CRISP3: variants seen among roughly 807,000 people sequenced by gnomAD.
CRISP3 encodes cysteine rich secretory protein 3, also known as cysteine-rich secretory protein 3.
A neutral mutation model predicts 36.1 loss-of-function variants in CRISP3; 33 were observed. That is an observed-to-expected ratio of 0.91 (90% CI 0.69 to 1.22). The LOEUF (loss-of-function observed/expected upper bound fraction) is 1.22. Ranked by LOEUF, CRISP3 falls within the 50% of genes most tolerant of loss-of-function variation. CRISP3 has a pLI of 0.00. For missense variants in CRISP3, 330 were observed against 301.2 expected (o/e 1.10, Z -0.71); for synonymous variants, 117 against 104.6 (o/e 1.12, Z -0.72).
chr6:49,733,248 G>A lies in CRISP3; in HGVS notation c.507C>T (p.Tyr169=). 2 of 1,611,726 alleles carry A rather than the reference G, an allele frequency of 1.2e-6. No individual in the cohort carries two copies. Among genetic ancestry groups the A allele is most frequent in the Non-Finnish European group, 1.7e-6 (2 of 1,178,710 alleles). Residue 169 remains tyrosine (Y), a synonymous_variant, in exon 6 of 8, where the codon TAC becomes TAT. Coordinates refer to ENST00000263045, the MANE Select transcript of CRISP3 (RefSeq NM_006061.4). ...ATTTTAGAACTTTTTGATTGGGACA[G>A]TAGGCATTTCCACATCCAACGAGGT... ...SSYLVGCGNA[Y]CPNQKVLKYY...
Position 49,728,610 on chromosome 6 carries a change from A to C in CRISP3, c.*120T>G, listed in dbSNP as rs1372328878. 2 of 759,252 alleles carry C rather than the reference A, an allele frequency of 2.6e-6. No homozygotes were observed. Among genetic ancestry groups the C allele is most frequent in the African/African-American group, 3.6e-5 (2 of 55,658 alleles). 47.0% of individuals were successfully genotyped at this position (759,252 alleles called of 1,614,324 possible). A position where few individuals can be genotyped will look rare whatever the true frequency, so the allele number is the denominator to read the frequency against. ...CCAGAAGAAAAACATTTGAAATCAA[A>C]TGTGTATCAAACATGCCTACAATTT... On this transcript the variant is annotated 3_prime_UTR_variant, in exon 8 of 8. Coordinates refer to ENST00000263045, the MANE Select transcript of CRISP3 (RefSeq NM_006061.4).
chr6:49,729,717 C>T (rs1412124473), intron 7 of CRISP3, among the ~76,000 whole-genome samples: 1 of 152,038 alleles, frequency 6.6e-6, no homozygotes, highest in Non-Finnish European at 1.5e-5. Flanking sequence ...CAGGTAACAA[C>T]CGACTGTTCT....
intron 1 of CRISP3, among the ~76,000 whole-genome samples, chr6:49,741,234 G>A (rs1769194652): frequency 6.6e-6 from 1 of 150,870 alleles, no homozygotes; most frequent in Non-Finnish European, 1.5e-5. Flanking sequence ...GCACTCTCCA[G>A]TGCTCTTATA....
chr6:49,730,996 G>A (rs1323007164), intron 7 of CRISP3, among the ~76,000 whole-genome samples, 167 bp downstream of exon 7: 1 of 152,154 alleles, frequency 6.6e-6, no homozygotes, highest in Non-Finnish European at 1.5e-5. Flanking sequence ...GAGCCGAGAT[G>A]GCACCACTGC....
chr6:49,742,999 CT>C (rs1198173747), intron 1 of CRISP3, among the ~76,000 whole-genome samples: 52 of 152,176 alleles, frequency 3.4e-4, no homozygotes, highest in Non-Finnish European at 6.8e-4. Flanking sequence ...TATTTTCTTA[CT>C]TAAAATTTAA....
Position 49,728,688 on chromosome 6 carries a change from T to A in CRISP3, c.*42A>T, listed in dbSNP as rs752505185. The A allele has an allele frequency of 4.0e-6, 6 of 1,511,694 alleles. No individual in the cohort carries two copies. The highest frequency in any genetic ancestry group is 1.7e-4 in the Middle Eastern group (1 of 5,724). 93.6% of individuals were successfully genotyped at this position (1,511,694 alleles called of 1,614,324 possible). A position where few individuals can be genotyped will look rare whatever the true frequency, so the allele number is the denominator to read the frequency against. ...AGATGCCAAATCTAAGTAGATAATC[T>A]GACTCCTCTCTACATAGCCCTACTC... On this transcript the variant is annotated 3_prime_UTR_variant, in exon 8 of 8. Coordinates refer to ENST00000263045, the MANE Select transcript of CRISP3 (RefSeq NM_006061.4).
chr6:49,735,629 C>A, intron 3 of CRISP3, 38 bp from the exon 4 acceptor site: 1 of 1,478,680 alleles, frequency 6.8e-7, no homozygotes, highest in Non-Finnish European at 9.4e-7. Flanking sequence ...CACTTAATGT[C>A]TCAAACCTCA....
chr6:49,733,105 C>T (rs1469529855), intron 6 of CRISP3, 90 bp downstream of exon 6: 6 of 706,034 alleles, frequency 8.5e-6, no homozygotes, highest in Non-Finnish European at 8.9e-6. Flanking sequence ...TCTCCTTCAC[C>T]TTTACTTAAA....
chr6:49,733,825 A>C lies in CRISP3; in HGVS notation c.340T>G (p.Tyr114Asp), dbSNP rs1200504101. 6.2e-7 allele frequency: 1 copy of C among 1,613,660 alleles called. No homozygotes were observed. The highest frequency in any genetic ancestry group is 8.5e-7 in the Non-Finnish European group (1 of 1,179,740). The change falls in exon 5 of 8, where the codon TAC (tyrosine) becomes GAC (aspartate). Residue 114 changes from tyrosine to aspartate, a missense_variant. Tyr to Asp is a radical substitution (Grantham distance 160). Coordinates refer to ENST00000263045, the MANE Select transcript of CRISP3 (RefSeq NM_006061.4). ...MTSLKCGENL[Y>D]MSSASSSWSQ... ...CATGAGCTGGAGGCACTTGACATGT[A>C]GAGATTCTCACCACATTTTAGACCT... is the stretch of plus-strand genomic sequence containing the variant.
At chr6:49,737,551 G>T in intron 1 of CRISP3, 153 bp from the exon 2 acceptor site, 1 of 764,044 alleles carries the variant, frequency 1.3e-6, no homozygotes, top group Non-Finnish European at 2.2e-6. Context: ...GGAGCCAGCA[G>T]AATGACAGTG....
At chr6:49,730,176 T>A (rs558480627) in intron 7 of CRISP3, among the ~76,000 whole-genome samples, 1 of 152,210 alleles carries the variant, frequency 6.6e-6, no homozygotes, top group African/African-American at 2.4e-5. Context: ...TAGTAACATA[T>A]CCTAGTTAAA....
chr6:49,738,673 C>T (rs1420058978), intron 1 of CRISP3, among the ~76,000 whole-genome samples: 1 of 152,104 alleles, frequency 6.6e-6, no homozygotes, highest in African/African-American at 2.4e-5. Context: ...AGACTGGTTC[C>T]CAGCACTAAA....
In CRISP3 at chr6:49,735,430, T is replaced by C. The variant is rs568932267; in HGVS notation, c.316+74A>G. 2.6e-5 allele frequency: 30 copies of C among 1,171,062 alleles called. No homozygotes were observed. The African/African-American group carries it at 4.6e-4, about 18-fold the overall frequency. The allele number at this position is 1,171,062 out of a possible 1,614,324, so 72.5% of individuals were successfully genotyped here. A position where few individuals can be genotyped will look rare whatever the true frequency, so the allele number is the denominator to read the frequency against. The stretch of plus-strand genomic sequence containing the variant: ...AGCAATATTTATTTACAAACTTTTC[T>C]TAATGCAACATCATAACATGGTTTA... On this transcript the variant is annotated intron_variant, in intron 4 of 7. Transcript: ENST00000263045.
chr6:49,733,786 G>T lies in CRISP3; in HGVS notation c.379C>A (p.Gln127Lys). The T allele has an allele frequency of 6.2e-7, 1 of 1,613,792 alleles. No individual in the cohort carries two copies. Among genetic ancestry groups the T allele is most frequent in the East Asian group, 2.2e-5 (1 of 44,862 alleles). ...TCATTGTACTCATCAAACCAGCTTTGGATTGCTTGTGACCATGAGCTGGAG... is the reference window on the plus strand; with the variant it reads ...TCATTGTACTCATCAAACCAGCTTTTGATTGCTTGTGACCATGAGCTGGAG... ...SASSSWSQAI[Q>K]SWFDEYNDFD... Residue 127 changes from glutamine (Q) to lysine (K), a missense_variant, in exon 5 of 8, where the codon CAA becomes AAA. Coordinates refer to ENST00000263045, the MANE Select transcript of CRISP3 (RefSeq NM_006061.4).
intron 1 of CRISP3, 186 bp from the exon 2 acceptor site, chr6:49,737,584 T>C: frequency 1.5e-6 from 1 of 654,358 alleles, no homozygotes; most frequent in Admixed American, 2.6e-5. Context: ...AAAGTATGCA[T>C]TCAACTGGGA....
chr6:49,729,908 T>A (rs1163366819), intron 7 of CRISP3, among the ~76,000 whole-genome samples: 1 of 152,188 alleles, frequency 6.6e-6, no homozygotes, highest in Non-Finnish European at 1.5e-5. Flanking sequence ...ATCTTATCAT[T>A]CTTCTGTTTA....
chr6:49,737,814 G>T (rs937476390), intron 1 of CRISP3, among the ~76,000 whole-genome samples: 2 of 152,168 alleles, frequency 1.3e-5, no homozygotes, highest in African/African-American at 4.8e-5. Context: ...TTCCTTAAGT[G>T]CTGTCTACAC....
intron 1 of CRISP3, among the ~76,000 whole-genome samples, chr6:49,741,371 G>C (rs1237528627): frequency 6.6e-6 from 1 of 151,868 alleles, no homozygotes; most frequent in African/African-American, 2.4e-5. Flanking sequence ...CATAAAAGAC[G>C]TAAGAATAAT....
chr6:49,737,196 G>C, intron 2 of CRISP3, 129 bp downstream of exon 2: 2 of 666,350 alleles, frequency 3.0e-6, no homozygotes, highest in Admixed American at 5.2e-5. Flanking sequence ...TAACTACCTT[G>C]AGCTACTAAT....
Sources: gnomAD v4.1 joint callset for allele counts (sites outside exome capture counted in the v4.1 genomes callset) on GRCh38, gnomAD v4.1.1 for gene constraint, MANE v1.5 for transcripts, NCBI Gene and HGNC (gene_info 2026-07-23, HGNC 2026-07-21) for gene names.